Variants in KMT2D observed in about 807,000 individuals in gnomAD.
The protein encoded by KMT2D is histone-lysine N-methyltransferase 2D.
Under a neutral mutation model 512.7 loss-of-function variants are expected in KMT2D, and 55 were observed. The ratio of observed to expected loss-of-function variants is 0.11; its 90% CI spans 0.09 to 0.13. KMT2D has a LOEUF of 0.13. KMT2D is among the 10% of genes least tolerant of loss of function. The pLI is 1.00. For missense variants in KMT2D, 6,061 were observed against 7,127.9 expected, an observed-to-expected ratio of 0.85 and a Z score of 5.39; for synonymous variants, 2,995 against 2,904.0, an observed-to-expected ratio of 1.03 and a Z score of -1.01.
chr12:49,055,165 T>C, intron 2 of KMT2D, 111 bp downstream of exon 2: 1 of 1,545,884 alleles, frequency 6.5e-7, no homozygotes. Context: ...AGAACAAAGT[T>C]GTTCCATTAC....
chr12:49,025,012 C>T (rs1942505092), intron 49 of KMT2D, 66 bp from the exon 50 acceptor site: 5 of 1,536,802 alleles, frequency 3.3e-6, no homozygotes, highest in Non-Finnish European at 3.5e-6. Flanking sequence ...AGTCCCTAAC[C>T]CCAATCCAGA....
In KMT2D at chr12:49,024,459, G is replaced by C; in HGVS notation, c.16052+119C>G. On this transcript the variant is annotated intron_variant, in intron 51 of 54. Coordinates refer to ENST00000301067, the MANE Select transcript of KMT2D (RefSeq NM_003482.4). This position sits in a 1 kb window ranked among gnomAD's most constrained non-coding sequence, Gnocchi z 4.5. Reference sequence around the variant, plus strand: ...TGCCCTCTAATTAGGAAGTCTAAGAGTGATTCCCCATTTTCTCCACGGGAA... The same window carrying C: ...TGCCCTCTAATTAGGAAGTCTAAGACTGATTCCCCATTTTCTCCACGGGAA... The C allele has an allele frequency of 1.5e-6, 2 of 1,334,490 alleles. No homozygotes were observed. Among genetic ancestry groups the C allele is most frequent in the South Asian group, 3.0e-5 (2 of 67,054 alleles). 82.7% of individuals were successfully genotyped at this position (1,334,490 alleles called of 1,614,324 possible). A position where few individuals can be genotyped will look rare whatever the true frequency, so the allele number is the denominator to read the frequency against.
In KMT2D at chr12:49,046,041, C is replaced by A. The variant is rs369033057; in HGVS notation, c.4693+24G>T. On this transcript the variant is annotated intron_variant, in intron 18 of 54. Coordinates refer to ENST00000301067, the MANE Select transcript of KMT2D (RefSeq NM_003482.4). The surrounding 1 kb of genome is among the most constrained non-coding windows in gnomAD (Gnocchi z 4.2). The stretch of plus-strand genomic sequence containing the variant: ...AAGGTACCCCTGCTCTGACTCCTCC[C>A]CCTACCCAGCAGCTGGTACTCACCC... 6.9e-5 allele frequency: 111 copies of A among 1,611,440 alleles called. No individual in the cohort carries two copies. Among genetic ancestry groups the A allele is most frequent in the Admixed American group, 3.4e-4 (20 of 59,628 alleles).
In KMT2D at chr12:49,041,891, C is replaced by T. The variant is rs74413240; in HGVS notation, c.6183+26G>A. ...CCCTCCCTCCCTCTCAGTTCCCACG[C>T]TAATCCATGCTCCTTTCTGCCTCAC... On this transcript the variant is annotated intron_variant, in intron 30 of 54. Transcript: ENST00000301067. This position sits in a 1 kb window ranked among gnomAD's most constrained non-coding sequence, Gnocchi z 5.4. The T allele has an allele frequency of 6.3e-6, 10 of 1,586,684 alleles. No homozygotes were observed. The highest frequency in any genetic ancestry group is 4.5e-5 in the East Asian group (2 of 44,166).
chr12:49,054,108 G>A lies in KMT2D; in HGVS notation c.543C>T (p.Ser181=), dbSNP rs533789715. Residue 181 remains serine (S), a synonymous_variant, in exon 6 of 55, where the codon TCC becomes TCT. Transcript: ENST00000301067. The surrounding 1 kb of genome is among the most constrained non-coding windows in gnomAD (Gnocchi z 6.4). ...GACATCCAGGTGAGCGGCAAGGGAT[G>A]GAGGCACCGAGCCTGGTGCAGTGGG... ...RCSHCTRLGA[S]IPCRSPGCPR... 1.2e-6 allele frequency: 2 copies of A among 1,612,808 alleles called. No individual in the cohort carries two copies. The highest frequency in any genetic ancestry group is 1.1e-5 in the South Asian group (1 of 90,902).
rs1938249799 is a variant in KMT2D, at chr12:49,054,063, G to T, written c.588C>A (p.Pro196=). Residue 196 remains proline, a synonymous_variant, in exon 6 of 55, where the codon CCC becomes CCA. Coordinates refer to ENST00000301067, the MANE Select transcript of KMT2D (RefSeq NM_003482.4). The surrounding 1 kb of genome is among the most constrained non-coding windows in gnomAD (Gnocchi z 6.4). The part of the protein sequence containing the change: ...SPGCPRLYHF[P]CATASGSFLS... ...GGAAGGAACCGCTGGCAGTCGCGCA[G>T]GGGAAGTGGTAAAGCCGTGGACATC... The T allele has an allele frequency of 2.5e-6, 4 of 1,613,830 alleles. 1 individual carries two copies. In the Admixed American group the frequency reaches 6.7e-5, roughly 27 times the overall value.
rs1370093761 is a variant in KMT2D at position 49,053,057 on chromosome 12, G to A, written c.970C>T (p.Arg324Trp). The change falls in exon 9 of 55, where the codon CGG (arginine) becomes TGG (tryptophan). Residue 324 changes from arginine (R) to tryptophan (W), a missense_variant. By Grantham distance (101) the Arg-to-Trp change is moderately radical. This residue lies in a region of KMT2D where 160 missense variants were observed against 225.8 expected (regional missense o/e 0.71). Transcript: ENST00000301067. ...SWKCKACRVC[R>W]ACGAGSAELN... ...TCTGCTGAGCCCGCCCCACAGGCCC[G>A]GCACACCCGGCACGCCTAAGGGAAG... 6.2e-6 allele frequency: 10 copies of A among 1,613,888 alleles called. No homozygotes were observed. The Admixed American group carries it at 1.5e-4, about 24-fold the overall frequency.
intron 14 of KMT2D, 88 bp downstream of exon 14, chr12:49,048,571 C>CG (rs2120623460): frequency 1.2e-6 from 1 of 821,694 alleles, no homozygotes. Context: ...GCTGGGTATC[C>CG]CCAAAGTAGG....
intron 1 of KMT2D, 111 bp from the exon 2 acceptor site, chr12:49,055,472 C>A: frequency 1.5e-6 from 1 of 655,344 alleles, no homozygotes; most frequent in Non-Finnish European, 2.6e-6. Flanking sequence ...AGAGCAAAGC[C>A]ATACTACAAA....
intron 35 of KMT2D, among the ~76,000 whole-genome samples, chr12:49,036,342 C>T (rs1381516513): frequency 6.6e-6 from 1 of 150,690 alleles, no homozygotes; most frequent in Non-Finnish European, 1.5e-5. Flanking sequence ...GACAGAGTCT[C>T]GCTCTGTTGC....
chr12:49,023,968 T>G (rs1942445503), intron 51 of KMT2D: 1 of 438,526 alleles, frequency 2.3e-6, no homozygotes, highest in African/African-American at 2.0e-5. Context: ...GTCCCAGCTG[T>G]GTGACCTTTG....
At position 49,022,175 on chromosome 12, in the gene KMT2D, G is replaced by A. The variant is rs1942361510; in HGVS notation, c.16413-24C>T. On this transcript the variant is annotated intron_variant, in intron 53 of 54. Transcript: ENST00000301067. The surrounding 1 kb of genome is among the most constrained non-coding windows in gnomAD (Gnocchi z 8.6). ...ACCTGGGCAGTGGGACAGAGTCAGG[G>A]ATGTCAGGCAACTAACTTGGGACAA... 1 of 1,609,312 alleles carries A rather than the reference G, an allele frequency of 6.2e-7. No homozygotes were observed. Among genetic ancestry groups the A allele is most frequent in the Non-Finnish European group, 8.5e-7 (1 of 1,175,716 alleles).
chr12:49,045,012 G>A (rs2120591131), intron 19 of KMT2D, 47 bp from the exon 20 acceptor site: 1 of 1,562,316 alleles, frequency 6.4e-7, no homozygotes, highest in South Asian at 1.1e-5. Context: ...AAGCCCCAGG[G>A]AAACCAGAAC....
Position 49,028,935 on chromosome 12 carries a change from C to T in KMT2D, c.14275G>A (p.Gly4759Arg), listed in dbSNP as rs768123045. The T allele has an allele frequency of 4.3e-6, 7 of 1,613,858 alleles. No homozygotes were observed. The highest frequency in any genetic ancestry group is 5.9e-6 in the Non-Finnish European group (7 of 1,179,884). ...IPVFPDTKPYGALGLEVPGKL... is the reference protein window; with the variant it reads ...IPVFPDTKPYRALGLEVPGKL... ...CCAGGGACCTCCAGGCCAAGGGCCC[C>T]ATAAGGTTTGGTATCTGGGAAGACT... The change falls in exon 46 of 55, where the codon GGG becomes AGG. Residue 4759 changes from glycine (G) to arginine (R), a missense_variant. Coordinates refer to ENST00000301067, the MANE Select transcript of KMT2D (RefSeq NM_003482.4).
Position 49,040,404 on chromosome 12 carries a change from G to C in KMT2D, c.7366C>G (p.Arg2456Gly), listed in dbSNP as rs754060706. The change falls in exon 32 of 55, where the codon CGC (arginine) becomes GGC (glycine). Residue 2456 changes from arginine to glycine, a missense_variant. By Grantham distance (125) the Arg-to-Gly change is moderately radical. Coordinates refer to ENST00000301067, the MANE Select transcript of KMT2D (RefSeq NM_003482.4). Reference protein sequence around the residue: ...SPDPYSRPPSRPQSRDPFAPL... With the variant: ...SPDPYSRPPSGPQSRDPFAPL... ...GCAAATGGGTCACGGGACTGAGGGC[G>C]TGAGGGTGGGCGAGAATAAGGGTCA... 1 of 1,563,642 alleles carries C rather than the reference G, an allele frequency of 6.4e-7. No homozygotes were observed. Among genetic ancestry groups the C allele is most frequent in the South Asian group, 1.2e-5 (1 of 82,976 alleles).
chr12:49,041,471 G>C lies in KMT2D; in HGVS notation c.6299C>G (p.Pro2100Arg), dbSNP rs199761931. ...CGGGGGAATGCGGAGATGTAGGGCC[G>C]GTCGGTCAGTCTTACGGGCTATGTC... ...VGDIARKTDR[P>R]ALHLRIPPQP... Residue 2100 changes from proline to arginine, a missense_variant, in exon 32 of 55, where the codon CCG (proline) becomes CGG (arginine). Around this residue, in one of 16 missense-constraint regions of KMT2D, gnomAD observed 710 missense variants for 647.3 expected, o/e 1.10. Transcript: ENST00000301067. This position sits in a 1 kb window ranked among gnomAD's most constrained non-coding sequence, Gnocchi z 5.4. 1.2e-6 allele frequency: 2 copies of C among 1,613,354 alleles called. No homozygotes were observed. The highest frequency in any genetic ancestry group is 1.7e-6 in the Non-Finnish European group (2 of 1,179,482).
chr12:49,037,713 G>T lies in KMT2D; in HGVS notation c.9643C>A (p.Leu3215Ile), dbSNP rs1215687542. Reference protein sequence around the residue: ...GGSSLLEKFELESGALTLPGG... With the variant: ...GGSSLLEKFEIESGALTLPGG... ...GGCAAGGTCAAAGCCCCACTCTCGA[G>T]CTCAAACTTTTCCAGCAGGGAGGAT... The change falls in exon 35 of 55, where the codon CTC becomes ATC. Residue 3215 changes from leucine (L) to isoleucine (I), a missense_variant. Around this residue, in one of 16 missense-constraint regions of KMT2D, gnomAD observed 533 missense variants for 539.6 expected, o/e 0.99. Coordinates refer to ENST00000301067, the MANE Select transcript of KMT2D (RefSeq NM_003482.4). 1 of 1,587,082 alleles carries T rather than the reference G, an allele frequency of 6.3e-7. No homozygotes were observed. The highest frequency in any genetic ancestry group is 8.6e-7 in the Non-Finnish European group (1 of 1,166,600).
chr12:49,043,700 A>C lies in KMT2D; in HGVS notation c.5402T>G (p.Leu1801Arg), dbSNP rs2120572109. ...AVGVGRPSFG[L>R]GTPKAKGDGG... ...ATCTCCCTTGGCTTTTGGGGTCCCT[A>C]GTCCAAAGCTTGGCCGGCCCACCCC... Residue 1801 changes from leucine to arginine, a missense_variant, in exon 24 of 55, where the codon CTA (leucine) becomes CGA (arginine). This residue lies in a region of KMT2D where 640 missense variants were observed against 814.3 expected (regional missense o/e 0.79). Coordinates refer to ENST00000301067, the MANE Select transcript of KMT2D (RefSeq NM_003482.4). 1 of 1,614,012 alleles carries C rather than the reference A, an allele frequency of 6.2e-7. No individual in the cohort carries two copies. Among genetic ancestry groups the C allele is most frequent in the Non-Finnish European group, 8.5e-7 (1 of 1,179,872 alleles).
chr12:49,024,757 G>A lies in KMT2D; in HGVS notation c.15922-49C>T, dbSNP rs759965937. On this transcript the variant is annotated intron_variant, in intron 50 of 54. Coordinates refer to ENST00000301067, the MANE Select transcript of KMT2D (RefSeq NM_003482.4). The surrounding 1 kb of genome is among the most constrained non-coding windows in gnomAD (Gnocchi z 4.5). ...CTTAGCCTGAGTTTTTTTGGGGTTA[G>A]GCCAAAGTTCTCAGTGCCCGCCAAG... 2 of 1,608,432 alleles carry A rather than the reference G, an allele frequency of 1.2e-6. No homozygotes were observed. The highest frequency in any genetic ancestry group is 2.2e-5 in the East Asian group (1 of 44,736).
Sources: allele counts gnomAD v4.1 joint callset (sites outside exome capture counted in the v4.1 genomes callset), GRCh38; gene constraint gnomAD v4.1.1; regional missense constraint gnomAD v4.1.1; non-coding constraint Gnocchi (gnomAD v3.1); transcripts MANE v1.5; gene names NCBI Gene and HGNC (gene_info 2026-07-23, HGNC 2026-07-21).